The following CRACR2B variants were observed in gnomAD, a reference collection of about 807,000 sequenced individuals.
CRACR2B encodes EF-hand calcium-binding domain-containing protein 4A.
A neutral mutation model predicts 46.0 loss-of-function variants in CRACR2B; 50 were observed. The observed-to-expected ratio is 1.09, with a 90% CI of 0.87 to 1.38. The LOEUF (loss-of-function observed/expected upper bound fraction) is 1.38, where lower values mean the gene tolerates loss of function less well. Ranked by LOEUF, CRACR2B falls within the 40% of genes most tolerant of loss-of-function variation. The probability of loss-of-function intolerance (pLI) is 0.00; values close to 1 mark genes in which losing one functional copy is unlikely to be tolerated. For missense variants in CRACR2B, 667 were observed against 535.0 expected (o/e 1.25, Z -2.43); for synonymous variants, 277 against 239.6 (o/e 1.16, Z -1.44).
chr11:830,661 A>G lies in CRACR2B; in HGVS notation c.734A>G (p.Glu245Gly). The G allele has an allele frequency of 6.5e-7, 1 of 1,547,830 alleles. No homozygotes were observed. Residue 245 changes from glutamate to glycine, a missense_variant, in exon 6 of 9, where the codon GAG (glutamate) becomes GGG (glycine). Glu to Gly is a moderately conservative substitution (Grantham distance 98). Coordinates refer to ENST00000525077, the MANE Select transcript of CRACR2B (RefSeq NM_001286606.2). The stretch of plus-strand genomic sequence containing the variant: ...GAGCGGAGAAGCCGTCTGGAGCTGG[A>G]GCTGCAGAGCCGCGAGCAGGACCTG... ...RGERRSRLEL[E>G]LQSREQDLER...
chr11:830,646 G>GC lies in CRACR2B; in HGVS notation c.721dup (p.Arg241ProfsTer111). 6.5e-7 allele frequency: 1 copy of GC among 1,548,670 alleles called. No individual in the cohort carries two copies. Among genetic ancestry groups the GC allele is most frequent in the Non-Finnish European group, 8.7e-7 (1 of 1,146,590 alleles). On this transcript the variant is annotated frameshift_variant, in exon 6 of 9. Transcript: ENST00000525077. LOFTEE classifies it high-confidence loss of function. ...AACTTCGCCCGCGGGGAGCGGAGAAGCCGTCTGGAGCTGGAGCTGCAGAGC... is the reference window on the plus strand; with the variant it reads ...AACTTCGCCCGCGGGGAGCGGAGAAGCCCGTCTGGAGCTGGAGCTGCAGAGC...
chr11:827,482 G>C, upstream of CRACR2B: 4 of 942,932 alleles, frequency 4.2e-6, no homozygotes, highest in Non-Finnish European at 5.1e-6. Context: ...TTGTCCCCCA[G>C]AGTTTCGGGG....
chr11:827,602 C>T (rs116246803), upstream of CRACR2B: 77,938 of 958,726 alleles, frequency 0.081, 3,266 homozygotes, highest in East Asian at 0.16. Context: ...GCCGGCAAGC[C>T]GGAGGGCGGG....
At chr11:829,786 C>T (rs1846240183) in intron 3 of CRACR2B, 200 bp from the exon 4 acceptor site, 2 of 1,140,230 alleles carry the variant, frequency 1.8e-6, no homozygotes, top group South Asian at 3.3e-5. Context: ...CACATACCGG[C>T]ACTGCCCAGG....
At chr11:831,438 C>T in intron 8 of CRACR2B, 97 bp from the exon 9 acceptor site, 2 of 1,482,192 alleles carry the variant, frequency 1.3e-6, no homozygotes, top group Non-Finnish European at 1.8e-6. Context: ...GCAGCCTCAG[C>T]CAGACACCTC....
chr11:830,561 G>A lies in CRACR2B; in HGVS notation c.694-60G>A, dbSNP rs915078725. ...CCACTCCCAGCCCCTGGCCCTCCGT[G>A]TACCTCTTTTGCATGGCCGAGCGGC... is the stretch of plus-strand genomic sequence containing the variant. On this transcript the variant is annotated intron_variant, in intron 5 of 8. Transcript: ENST00000525077. 19 of 1,547,796 alleles carry A rather than the reference G, an allele frequency of 1.2e-5. No individual in the cohort carries two copies. In the African/African-American group the frequency reaches 2.5e-4, roughly 20 times the overall value.
At chr11:827,473 T>A, upstream of CRACR2B, 1 of 895,082 alleles carries the variant, frequency 1.1e-6, no homozygotes, top group Non-Finnish European at 1.3e-6. Flanking sequence ...AGGGCGGGGT[T>A]GTCCCCCAGA....
upstream of CRACR2B, chr11:826,218 C>T (rs563808051): frequency 9.8e-5 from 15 of 152,478 alleles, no homozygotes; most frequent in African/African-American, 3.6e-4. Flanking sequence ...AAGCAGAGGC[C>T]TTGTACCCCC....
chr11:830,693 G>T lies in CRACR2B; in HGVS notation c.766G>T (p.Ala256Ser). The T allele has an allele frequency of 6.5e-7, 1 of 1,539,674 alleles. No homozygotes were observed. Among genetic ancestry groups the T allele is most frequent in the East Asian group, 2.5e-5 (1 of 40,746 alleles). ...GAGCCGCGAGCAGGACCTGGAACGCGCGGGCCTGCGGCAGCGGGAGGTGAG... is the reference window on the plus strand; with the variant it reads ...GAGCCGCGAGCAGGACCTGGAACGCTCGGGCCTGCGGCAGCGGGAGGTGAG... ...LQSREQDLER[A>S]GLRQRELEQQ... The change falls in exon 6 of 9, where the codon GCG (alanine) becomes TCG (serine). Residue 256 changes from alanine (A) to serine (S), a missense_variant. Coordinates refer to ENST00000525077, the MANE Select transcript of CRACR2B (RefSeq NM_001286606.2).
Position 828,850 on chromosome 11 carries a change from A to G in CRACR2B, c.166-2A>G. On this transcript the variant is annotated splice_acceptor_variant, in intron 1 of 8. Transcript: ENST00000525077. LOFTEE classifies it high-confidence loss of function. ...TCATCTCTGCTCTCCTTCCCCGACC[A>G]GGGTCTCCAGAGCGACCTGCCCCTC... 2 of 1,610,756 alleles carry G rather than the reference A, an allele frequency of 1.2e-6. No individual in the cohort carries two copies. The highest frequency in any genetic ancestry group is 1.3e-5 in the African/African-American group (1 of 75,010).
Position 831,667 on chromosome 11 carries a change from G to GC in CRACR2B, c.1164dup (p.Arg389GlnfsTer17), listed in dbSNP as rs1169562651. 1.3e-6 allele frequency: 2 copies of GC among 1,535,624 alleles called. No individual in the cohort carries two copies. The highest frequency in any genetic ancestry group is 1.4e-5 in the African/African-American group (1 of 72,292). On this transcript the variant is annotated frameshift_variant, in exon 9 of 9. Coordinates refer to ENST00000525077, the MANE Select transcript of CRACR2B (RefSeq NM_001286606.2). LOFTEE classifies it high-confidence loss of function. Reference sequence around the variant, plus strand: ...GCTGCTGCTGCTGTTGCTGGGCTCGGCCCCCCAGACGCGGCTCTGGCCACC... The same window carrying GC: ...GCTGCTGCTGCTGTTGCTGGGCTCGGCCCCCCCAGACGCGGCTCTGGCCACC...
In CRACR2B at chr11:830,975, A is replaced by G; in HGVS notation, c.896A>G (p.Gln299Arg). ...EALRTQLEGA[Q>R]EQIRRLESEA... ...CTGCGAACGCAGCTGGAGGGGGCGCAGGAGCAGATCCGCAGGCTGGAGAGC... is the reference window on the plus strand; with the variant it reads ...CTGCGAACGCAGCTGGAGGGGGCGCGGGAGCAGATCCGCAGGCTGGAGAGC... The change falls in exon 7 of 9, where the codon CAG becomes CGG. Residue 299 changes from glutamine to arginine, a missense_variant. Transcript: ENST00000525077. 6.5e-7 allele frequency: 1 copy of G among 1,533,652 alleles called. No individual in the cohort carries two copies. The highest frequency in any genetic ancestry group is 8.7e-7 in the Non-Finnish European group (1 of 1,146,640).
upstream of CRACR2B, chr11:827,716 A>C: frequency 5.7e-6 from 1 of 174,754 alleles, no homozygotes; most frequent in Non-Finnish European, 1.1e-5. Flanking sequence ...GCTAAGGAAC[A>C]TGGAAGGACG....
upstream of CRACR2B, chr11:826,372 C>T (rs1190412247): frequency 6.6e-6 from 1 of 152,222 alleles, no homozygotes; most frequent in East Asian, 1.9e-4. Context: ...CAAGCAGCTC[C>T]TCCTTCCAAT....
chr11:827,710 A>C, upstream of CRACR2B: 1 of 195,484 alleles, frequency 5.1e-6, no homozygotes, highest in Non-Finnish European at 9.3e-6. Context: ...GCCCGGGCTA[A>C]GGAACATGGA....
In CRACR2B at chr11:828,730, T is replaced by C; in HGVS notation, c.123T>C (p.Cys41=). The part of the protein sequence containing the change: ...LEQAEELFLL[C]DKEAKGFITK... Reference sequence around the variant, plus strand: ...AGGCTGAGGAGCTGTTTCTGCTGTGTGACAAGGAGGCTAAGGGCTTCATCA... The same window carrying C: ...AGGCTGAGGAGCTGTTTCTGCTGTGCGACAAGGAGGCTAAGGGCTTCATCA... Residue 41 remains cysteine, a synonymous_variant, in exon 1 of 9, where the codon TGT becomes TGC. Coordinates refer to ENST00000525077, the MANE Select transcript of CRACR2B (RefSeq NM_001286606.2). 1 of 1,613,532 alleles carries C rather than the reference T, an allele frequency of 6.2e-7. No homozygotes were observed. The highest frequency in any genetic ancestry group is 8.5e-7 in the Non-Finnish European group (1 of 1,179,886).
Position 831,018 on chromosome 11 carries a change from G to A in CRACR2B, c.939G>A (p.Gln313=), listed in dbSNP as rs1416114501. The change falls in exon 7 of 9, where the codon CAG becomes CAA. Residue 313 remains glutamine (Q), a synonymous_variant. Transcript: ENST00000525077. ...RRLESEARGR[Q]EQTQRDVVAV... The stretch of plus-strand genomic sequence containing the variant: ...TGGAGAGCGAAGCACGAGGCCGCCA[G>A]GAGCAAACCCAACGGTGCCGTGGGA... The A allele has an allele frequency of 2.0e-6, 3 of 1,534,404 alleles. No homozygotes were observed. The highest frequency in any genetic ancestry group is 1.2e-5 in the South Asian group (1 of 83,988).
Position 828,632 on chromosome 11 carries a change from G to T in CRACR2B, c.25G>T (p.Ala9Ser). The T allele has an allele frequency of 6.2e-7, 1 of 1,602,120 alleles. No individual in the cohort carries two copies. Among genetic ancestry groups the T allele is most frequent in the Non-Finnish European group, 8.5e-7 (1 of 1,177,050 alleles). The change falls in exon 1 of 9, where the codon GCT becomes TCT. Residue 9 changes from alanine (A) to serine (S), a missense_variant. Ala to Ser is a moderately conservative substitution (Grantham distance 99, BLOSUM62 1). Transcript: ENST00000525077. MASPGKPG[A>S]DEAQEEEGEL... ...CATGGCCAGCCCTGGAAAGCCTGGG[G>T]CTGATGAGGCCCAGGAGGAGGAGGG...
At position 830,301 on chromosome 11, in the gene CRACR2B, G is replaced by A. The variant is rs1257009631; in HGVS notation, c.657G>A (p.Glu219=). Residue 219 remains glutamate, a synonymous_variant, in exon 5 of 9, where the codon GAG becomes GAA. Coordinates refer to ENST00000525077, the MANE Select transcript of CRACR2B (RefSeq NM_001286606.2). ...TGCGCGCTCTGTACGAGGAGACGGA[G>A]CAGCTTCGGGAGCAGAGCCGGCGCC... The part of the protein sequence containing the change: ...REVRALYEET[E]QLREQSRRPP... The A allele has an allele frequency of 1.3e-6, 2 of 1,533,856 alleles. No homozygotes were observed. Among genetic ancestry groups the A allele is most frequent in the Admixed American group, 2.0e-5 (1 of 50,750 alleles).
Sources: allele counts gnomAD v4.1 joint callset, GRCh38; gene constraint gnomAD v4.1.1; transcripts MANE v1.5; gene names NCBI Gene and HGNC (gene_info 2026-07-23, HGNC 2026-07-21).